The following RNF212B variants were observed in gnomAD, a reference collection of about 807,000 sequenced individuals.
RNF212B encodes the protein ring finger protein 212B, also known as E3 ubiquitin-protein ligase RNF212B.
Under a neutral mutation model 55.5 loss-of-function variants are expected in RNF212B, and 52 were observed. The ratio of observed to expected loss-of-function variants is 0.94; its 90% CI spans 0.75 to 1.18. The LOEUF is 1.18. Ranked by LOEUF, RNF212B falls within the 50% of genes most tolerant of loss-of-function variation. The probability of loss-of-function intolerance (pLI) is 0.00; values close to 1 mark genes in which losing one functional copy is unlikely to be tolerated. For synonymous variants in RNF212B, 99 were observed against 121.4 expected, an observed-to-expected ratio of 0.82 and a Z score of 1.21; for missense variants, 289 against 350.4, an observed-to-expected ratio of 0.82 and a Z score of 1.40.
chr14:23,243,534 A>G (rs1037639676), intron 3 of RNF212B, among the ~76,000 whole-genome samples: 1 of 151,214 alleles, frequency 6.6e-6, no homozygotes, highest in African/African-American at 2.4e-5. Flanking sequence ...TGTCTCTACT[A>G]AAATATAAAA....
chr14:23,245,716 A>G (rs920800012), intron 4 of RNF212B, among the ~76,000 whole-genome samples: 1 of 152,176 alleles, frequency 6.6e-6, no homozygotes, highest in Admixed American at 6.5e-5. Context: ...AGTGACTCTC[A>G]TATTTCAAAT....
chr14:23,272,233 T>C (rs940162562), intron 14 of RNF212B, among the ~76,000 whole-genome samples: 2 of 152,028 alleles, frequency 1.3e-5, no homozygotes, highest in African/African-American at 4.8e-5. Flanking sequence ...CTGGCTAACA[T>C]GGTGAAACCC....
intron 2 of RNF212B, among the ~76,000 whole-genome samples, chr14:23,222,828 G>A (rs191723126): frequency 2.4e-3 from 363 of 152,084 alleles, no homozygotes; most frequent in Non-Finnish European, 3.0e-3. Flanking sequence ...TGAGGCGGGG[G>A]GATCATCTGA....
At chr14:23,195,162 G>A (rs754463131) in intron 2 of RNF212B, among the ~76,000 whole-genome samples, 1 of 151,822 alleles carries the variant, frequency 6.6e-6, no homozygotes, top group Non-Finnish European at 1.5e-5. Flanking sequence ...GTGTTGTGGT[G>A]CACGTCTACA....
At chr14:23,186,600 G>A (rs1326316492) in intron 1 of RNF212B, among the ~76,000 whole-genome samples, 3 of 151,896 alleles carry the variant, frequency 2.0e-5, no homozygotes, top group South Asian at 2.1e-4. Context: ...CACCCGCCTC[G>A]GCCTCCCAAA....
chr14:23,229,223 TATATATA>T (rs1882319379), intron 2 of RNF212B, among the ~76,000 whole-genome samples: 5 of 75,534 alleles, frequency 6.6e-5, no homozygotes, highest in African/African-American at 1.6e-4. Flanking sequence ...TAATATTTTA[TATATATA>T]TATATATATA....
At chr14:23,207,178 T>C (rs1408470736) in intron 2 of RNF212B, among the ~76,000 whole-genome samples, 1 of 152,200 alleles carries the variant, frequency 6.6e-6, no homozygotes, top group Non-Finnish European at 1.5e-5. Flanking sequence ...TCACACAACA[T>C]ACGATTTCTG....
At chr14:23,208,484 A>G (rs983787945) in intron 2 of RNF212B, among the ~76,000 whole-genome samples, 2 of 152,142 alleles carry the variant, frequency 1.3e-5, no homozygotes, top group African/African-American at 4.8e-5. Context: ...ACAGAGTGAG[A>G]TCCTATCTCT....
upstream of RNF212B, among the ~76,000 whole-genome samples, chr14:23,233,027 A>C (rs192647066): frequency 4.7e-4 from 72 of 152,376 alleles, no homozygotes; most frequent in African/African-American, 1.7e-3. Flanking sequence ...TGTAGAAAGA[A>C]GTAGACATAG....
chr14:23,197,948 G>T (rs1020176994), intron 2 of RNF212B, among the ~76,000 whole-genome samples: 3 of 152,090 alleles, frequency 2.0e-5, no homozygotes, highest in African/African-American at 7.2e-5. Flanking sequence ...GGCAGGCGGG[G>T]ATCTCACAAA....
chr14:23,219,185 G>A (rs1881343888), intron 2 of RNF212B, among the ~76,000 whole-genome samples: 1 of 152,156 alleles, frequency 6.6e-6, no homozygotes, highest in African/African-American at 2.4e-5. Flanking sequence ...TACAAGAAAT[G>A]CTAAATGGAG....
Position 23,258,684 on chromosome 14 carries a change from C to T in RNF212B, c.344+20C>T. ...GGACAAGTAAGTAACAAATCAAGTC[C>T]CAAGAGAGCTTTTTTTTTTTTTTTT... is the stretch of plus-strand genomic sequence containing the variant. On this transcript the variant is annotated intron_variant, in intron 5 of 14. Transcript: ENST00000430154. The T allele has an allele frequency of 8.7e-7, 1 of 1,144,694 alleles. No individual in the cohort carries two copies. Among genetic ancestry groups the T allele is most frequent in the Non-Finnish European group, 1.2e-6 (1 of 831,218 alleles). The allele number at this position is 1,144,694 out of a possible 1,614,324, so 70.9% of individuals were successfully genotyped here. A position where few individuals can be genotyped will look rare whatever the true frequency, so the allele number is the denominator to read the frequency against.
At chr14:23,198,209 A>G (rs967291903) in intron 2 of RNF212B, among the ~76,000 whole-genome samples, 3 of 152,224 alleles carry the variant, frequency 2.0e-5, no homozygotes, top group Non-Finnish European at 4.4e-5. Flanking sequence ...TTTAAAAAAT[A>G]ACTACAGACA....
chr14:23,216,014 G>C (rs918534303), intron 2 of RNF212B, among the ~76,000 whole-genome samples: 8 of 152,202 alleles, frequency 5.3e-5, no homozygotes, highest in Non-Finnish European at 1.0e-4. Flanking sequence ...GGGAGGCCAA[G>C]GCGGGCGGAT....
chr14:23,201,995 A>G (rs958104775), intron 2 of RNF212B, among the ~76,000 whole-genome samples: 3 of 152,202 alleles, frequency 2.0e-5, no homozygotes, highest in African/African-American at 7.2e-5. Context: ...TCATGCCTGT[A>G]ATCCCAGCAC....
rs538509602 is a variant in RNF212B, at chr14:23,210,762, G to A, written c.-2+17361G>A. Among the ~76,000 whole-genome samples the A allele has an allele frequency of 2.3e-3, 203 of 89,260 alleles. 1 individual carries two copies. Among genetic ancestry groups the A allele is most frequent in the African/African-American group, 8.8e-3 (181 of 20,534 alleles). 58.6% of individuals were successfully genotyped at this position (89,260 alleles called of 152,430 possible). A position where few individuals can be genotyped will look rare whatever the true frequency, so the allele number is the denominator to read the frequency against. Reference sequence around the variant, plus strand: ...ATTGCCCTCCAGTCCAGGTGACAGTGTGAGACTCTGTCTCAAAAAAAAAAA... The same window carrying A: ...ATTGCCCTCCAGTCCAGGTGACAGTATGAGACTCTGTCTCAAAAAAAAAAA... On this transcript the variant is annotated intron_variant, in intron 2 of 15. Transcript: ENST00000399910.
At chr14:23,262,829 A>G in intron 8 of RNF212B, 99 bp from the exon 9 acceptor site, 1 of 1,450,106 alleles carries the variant, frequency 6.9e-7, no homozygotes, top group Non-Finnish European at 9.5e-7. Context: ...GTAATATGAA[A>G]ACATTATATA....
chr14:23,264,416 G>A (rs1246660594), intron 10 of RNF212B, among the ~76,000 whole-genome samples, 182 bp downstream of exon 10: 1 of 152,166 alleles, frequency 6.6e-6, no homozygotes, highest in African/African-American at 2.4e-5. Context: ...AAATAGGGGT[G>A]GAAATAGTGA....
intron 2 of RNF212B, among the ~76,000 whole-genome samples, chr14:23,232,474 C>T (rs1052438446): frequency 2.7e-5 from 3 of 111,934 alleles, no homozygotes; most frequent in Non-Finnish European, 6.5e-5. Context: ...AAGTGAGGAG[C>T]CCCTCCGCCC....
Sources: allele counts gnomAD v4.1 joint callset (sites outside exome capture counted in the v4.1 genomes callset), GRCh38; gene constraint gnomAD v4.1.1; transcripts MANE v1.5; gene names NCBI Gene and HGNC (gene_info 2026-07-23, HGNC 2026-07-21).